The following IL21R variants were observed in gnomAD, a reference collection of about 807,000 sequenced individuals.
IL21R encodes interleukin 21 receptor, also known as interleukin-21 receptor.
IL21R carries 14 observed loss-of-function variants against 41.3 expected under a neutral mutation model. The observed-to-expected ratio is 0.34, with a 90% CI of 0.22 to 0.53. The LOEUF (loss-of-function observed/expected upper bound fraction) is 0.53, where lower values mean the gene tolerates loss of function less well. Among genes scored for constraint, IL21R ranks in the 20% least tolerant of loss-of-function variants. The probability of loss-of-function intolerance (pLI) is 0.94; values close to 1 mark genes in which losing one functional copy is unlikely to be tolerated. For missense variants in IL21R, 588 were observed against 681.6 expected, an observed-to-expected ratio of 0.86 and a Z score of 1.53; for synonymous variants, 286 against 287.6, an observed-to-expected ratio of 0.99 and a Z score of 0.05.
chr16:27,441,299 A>G (rs1407079474), intron 4 of IL21R, among the ~76,000 whole-genome samples: 1 of 152,230 alleles, frequency 6.6e-6, no homozygotes, highest in Admixed American at 6.5e-5. Flanking sequence ...ATTTTACAAG[A>G]GAGGAATTTA....
At chr16:27,424,428 C>G (rs2087044357) in intron 1 of IL21R, among the ~76,000 whole-genome samples, 2 of 152,150 alleles carry the variant, frequency 1.3e-5, no homozygotes, top group Admixed American at 6.5e-5. Flanking sequence ...AATTTCCTGC[C>G]CCAAGCTTCT....
chr16:27,443,444 A>G (rs1039174268), intron 5 of IL21R, among the ~76,000 whole-genome samples: 12 of 152,250 alleles, frequency 7.9e-5, no homozygotes, highest in South Asian at 6.2e-4. Flanking sequence ...AAGCTTCCCA[A>G]TTGCTTAGAA....
chr16:27,440,742 T>C (rs1379003929), intron 4 of IL21R, among the ~76,000 whole-genome samples: 2 of 152,012 alleles, frequency 1.3e-5, no homozygotes, highest in Admixed American at 6.6e-5. Flanking sequence ...GAGTGTTAGA[T>C]GGTGGCAGAT....
chr16:27,421,334 G>GTA (rs2086996634), intron 1 of IL21R, among the ~76,000 whole-genome samples: 2 of 22,656 alleles, frequency 8.8e-5, no homozygotes, highest in East Asian at 5.6e-3. Flanking sequence ...GTCAATTTCT[G>GTA]CAAAAAAAAA....
At chr16:27,437,937 T>TA (rs1476004168) in intron 4 of IL21R, among the ~76,000 whole-genome samples, 1 of 152,180 alleles carries the variant, frequency 6.6e-6, no homozygotes, top group African/African-American at 2.4e-5. Flanking sequence ...GTGCTAGGAT[T>TA]ATAGGTAGGG....
chr16:27,434,536 G>C, intron 3 of IL21R, 87 bp downstream of exon 3: 1 of 831,346 alleles, frequency 1.2e-6, no homozygotes, highest in Non-Finnish European at 2.0e-6. Flanking sequence ...GTGCACTGAG[G>C]ACCACTGTGT....
At chr16:27,417,759 T>A (rs1012504653) in intron 1 of IL21R, among the ~76,000 whole-genome samples, 4 of 152,096 alleles carry the variant, frequency 2.6e-5, no homozygotes, top group African/African-American at 9.7e-5. Flanking sequence ...ATAGAAAAGG[T>A]ACAGTGAAAA....
intron 1 of IL21R, among the ~76,000 whole-genome samples, chr16:27,429,255 CT>C (rs201601362): frequency 0.019 from 2,856 of 151,528 alleles, 51 homozygotes; most frequent in Non-Finnish European, 0.028. Context: ...AATTTACTGG[CT>C]TTTTTTTACA....
Position 27,439,561 on chromosome 16 carries a change from T to TCA in IL21R, c.352+1880_352+1881dup, listed in dbSNP as rs369988343. Among the ~76,000 whole-genome samples, 822 of 151,360 alleles carry TCA rather than the reference T, an allele frequency of 5.4e-3. 12 individuals carry two copies. The highest frequency in any genetic ancestry group is 0.019 in the African/African-American group (786 of 41,150). The stretch of plus-strand genomic sequence containing the variant: ...ATACACATACTCATACACTCTCACA[T>TCA]CACACACGGGCACACATATGCACAC... On this transcript the variant is annotated intron_variant, in intron 4 of 8. Coordinates refer to ENST00000337929, the MANE Select transcript of IL21R (RefSeq NM_181078.3).
chr16:27,441,046 C>CAAAAAAAAAAAAAAAA (rs35321284), intron 4 of IL21R, among the ~76,000 whole-genome samples: 1 of 68,374 alleles, frequency 1.5e-5, no homozygotes, highest in Non-Finnish European at 2.8e-5. Context: ...GATTCTGTCT[C>CAAAAAAAAAAAAAAAA]AAAAAAAAAA....
chr16:27,437,988 C>G (rs1054377750), intron 4 of IL21R, among the ~76,000 whole-genome samples: 2 of 152,146 alleles, frequency 1.3e-5, no homozygotes, highest in Admixed American at 1.3e-4. Context: ...CAGCTCTCCT[C>G]CTTCCATCAG....
chr16:27,445,316 C>T (rs1179898842), intron 7 of IL21R, 40 bp downstream of exon 7: 2 of 1,290,552 alleles, frequency 1.5e-6, no homozygotes, highest in Middle Eastern at 1.9e-4. Flanking sequence ...GGTGGTCAGC[C>T]TGGGCCACTG....
chr16:27,448,618 A>T lies in IL21R; in HGVS notation c.952A>T (p.Ser318Cys). 1 of 1,613,112 alleles carries T rather than the reference A, an allele frequency of 6.2e-7. No homozygotes were observed. The highest frequency in any genetic ancestry group is 8.5e-7 in the Non-Finnish European group (1 of 1,180,030). Residue 318 changes from serine to cysteine, a missense_variant, in exon 9 of 9, where the codon AGC becomes TGC. Transcript: ENST00000337929. ...PEVPSTLEVYSCHPPRSPAKR... is the reference protein window; with the variant it reads ...PEVPSTLEVYCCHPPRSPAKR... ...GGTGCCCTCCACCCTGGAGGTGTAC[A>T]GCTGCCACCCACCACGGAGCCCGGC... is the stretch of plus-strand genomic sequence containing the variant.
intron 3 of IL21R, among the ~76,000 whole-genome samples, chr16:27,435,526 T>C (rs941412669): frequency 1.3e-5 from 2 of 151,976 alleles, no homozygotes; most frequent in African/African-American, 2.4e-5. Flanking sequence ...GGATCAGAAC[T>C]CACTGTAGCC....
At chr16:27,427,916 G>C (rs1175135195) in intron 1 of IL21R, among the ~76,000 whole-genome samples, 1 of 152,184 alleles carries the variant, frequency 6.6e-6, no homozygotes, top group East Asian at 1.9e-4. Flanking sequence ...TATTTGAGTA[G>C]TGATGTTATT....
In IL21R at chr16:27,444,616, G is replaced by A. The variant is rs142037270; in HGVS notation, c.582G>A (p.Ser194=). ...TCCCCCTGGAGTTCCGCAAAGACTC[G>A]AGCTATGAGCTGCAGGTGCGGGCAG... ...SLLPLEFRKD[S]SYELQVRAGP... Residue 194 remains serine, a synonymous_variant, in exon 6 of 9, where the codon TCG becomes TCA. Coordinates refer to ENST00000337929, the MANE Select transcript of IL21R (RefSeq NM_181078.3). The A allele has an allele frequency of 7.4e-5, 118 of 1,587,056 alleles. No individual in the cohort carries two copies. In the African/African-American group the frequency reaches 9.5e-4, roughly 13 times the overall value.
intron 1 of IL21R, among the ~76,000 whole-genome samples, chr16:27,406,415 G>A (rs563164008): frequency 1.2e-4 from 19 of 152,172 alleles, no homozygotes; most frequent in Admixed American, 8.5e-4. Flanking sequence ...TGGGGGGTGC[G>A]GGTGCTGGGA....
In IL21R at chr16:27,448,953, C is replaced by A. The variant is rs2087537666; in HGVS notation, c.1287C>A (p.Gly429=). ...LDAGTTVLSC[G]CVSAGSPGLG... ...CAGGGACCACAGTCCTGTCCTGTGG[C>A]TGTGTCTCAGCTGGCAGCCCTGGGC... Residue 429 remains glycine, a synonymous_variant, in exon 9 of 9, where the codon GGC becomes GGA. Transcript: ENST00000337929. 1 of 1,613,174 alleles carries A rather than the reference C, an allele frequency of 6.2e-7. No homozygotes were observed. Among genetic ancestry groups the A allele is most frequent in the Admixed American group, 1.7e-5 (1 of 59,998 alleles).
chr16:27,442,140 G>C lies in IL21R; in HGVS notation c.353-822G>C, dbSNP rs192637994. ...AGGGTTTCAGATTTCATGTGTGTGC[G>C]TGTGCATTTGTGTGTGTGCATGCTG... On this transcript the variant is annotated intron_variant, in intron 4 of 8. Transcript: ENST00000337929. 3.9e-5 allele frequency among the ~76,000 whole-genome samples: 6 copies of C among 152,236 alleles called. No individual in the cohort carries two copies. The East Asian group carries it at 1.2e-3, about 29-fold the overall frequency.
Sources: allele counts gnomAD v4.1 joint callset (sites outside exome capture counted in the v4.1 genomes callset), GRCh38; gene constraint gnomAD v4.1.1; transcripts MANE v1.5; gene names NCBI Gene and HGNC (gene_info 2026-07-23, HGNC 2026-07-21).